The following SDK1 variants were observed in gnomAD, a reference collection of about 807,000 sequenced individuals.
SDK1 encodes the protein protein sidekick-1.
A neutral mutation model predicts 245.5 loss-of-function variants in SDK1; 157 were observed. The observed-to-expected ratio is 0.64, with a 90% CI of 0.56 to 0.73. The LOEUF (loss-of-function observed/expected upper bound fraction) is 0.73. Ranked by LOEUF, SDK1 falls within the 30% of genes least tolerant of loss-of-function variation. SDK1 has a pLI of 0.00. For synonymous variants in SDK1, 1,647 were observed against 1,278.5 expected (o/e 1.29, Z -6.15); for missense variants, 3,583 against 3,002.3 (o/e 1.19, Z -4.52).
intron 5 of SDK1, among the ~76,000 whole-genome samples, chr7:3,892,440 T>C (rs1221608421): frequency 2.0e-5 from 3 of 152,144 alleles, no homozygotes; most frequent in African/African-American, 7.2e-5. Context: ...CCCCAGGATC[T>C]CATAAAGCCT....
At chr7:3,304,266 G>A (rs1200746995) in intron 1 of SDK1, among the ~76,000 whole-genome samples, 1 of 152,124 alleles carries the variant, frequency 6.6e-6, no homozygotes, top group South Asian at 2.1e-4. Context: ...TGACTTTCCC[G>A]GATTCCTAAA....
At chr7:3,489,902 G>A (rs890702705) in intron 1 of SDK1, among the ~76,000 whole-genome samples, 2 of 152,162 alleles carry the variant, frequency 1.3e-5, no homozygotes, top group Non-Finnish European at 2.9e-5. Flanking sequence ...AATGAGTCCT[G>A]TCATGGAGAA....
rs188389961 is a variant in SDK1, at chr7:3,747,077, A to C, written c.714-74373A>C. 3.5e-3 allele frequency among the ~76,000 whole-genome samples: 533 copies of C among 152,348 alleles called. 3 individuals carry two copies. The highest frequency in any genetic ancestry group is 0.017 in the South Asian group (80 of 4,822). The stretch of plus-strand genomic sequence containing the variant: ...GAATGGATGCTGTGGCATGAAACCA[A>C]CATTCATCTCCATGAGAACTCTTGG... On this transcript the variant is annotated intron_variant, in intron 4 of 44. Coordinates refer to ENST00000404826, the MANE Select transcript of SDK1 (RefSeq NM_152744.4).
intron 1 of SDK1, among the ~76,000 whole-genome samples, chr7:3,524,735 G>C (rs908223990): frequency 6.6e-6 from 1 of 152,104 alleles, no homozygotes; most frequent in Non-Finnish European, 1.5e-5. Context: ...AAGTCTGTTA[G>C]GTAGCCAGAA....
At chr7:3,518,906 A>G (rs1376421017) in intron 1 of SDK1, among the ~76,000 whole-genome samples, 1 of 152,084 alleles carries the variant, frequency 6.6e-6, no homozygotes, top group Non-Finnish European at 1.5e-5. Context: ...ATGTCCAACA[A>G]CAGATGAATG....
chr7:4,050,498 C>G (rs1014618456), intron 18 of SDK1, among the ~76,000 whole-genome samples: 2 of 152,234 alleles, frequency 1.3e-5, no homozygotes, highest in African/African-American at 4.8e-5. Context: ...TGTGTAAATA[C>G]GCTTTGCGTC....
rs1042630014 is a variant in SDK1, at chr7:4,191,560, T to C, written c.5098+12974T>C. On this transcript the variant is annotated intron_variant, in intron 35 of 44. Transcript: ENST00000404826. The stretch of plus-strand genomic sequence containing the variant: ...CTTCAGCACCCACTTGCTCAGCAAC[T>C]TGCTGGCACCGAAGGGAGCGAGAGA... 6.6e-5 allele frequency among the ~76,000 whole-genome samples: 10 copies of C among 152,232 alleles called. 1 individual carries two copies. Among genetic ancestry groups the C allele is most frequent in the African/African-American group, 2.4e-4 (10 of 41,472 alleles).
chr7:4,173,782 G>A (rs973980677), intron 32 of SDK1, among the ~76,000 whole-genome samples: 2 of 152,180 alleles, frequency 1.3e-5, no homozygotes, highest in African/African-American at 2.4e-5. Context: ...GGTACAGTAC[G>A]GCAGCCACAG....
At chr7:3,933,107 G>A (rs1780037408) in intron 5 of SDK1, among the ~76,000 whole-genome samples, 1 of 150,934 alleles carries the variant, frequency 6.6e-6, no homozygotes, top group African/African-American at 2.5e-5. Context: ...TCCTCCGGCG[G>A]GAAATGCTCC....
intron 40 of SDK1, among the ~76,000 whole-genome samples, chr7:4,229,960 G>T (rs1021123844): frequency 6.6e-6 from 1 of 151,416 alleles, no homozygotes; most frequent in Non-Finnish European, 1.5e-5. Flanking sequence ...AGGGGTTGGG[G>T]GTGGGACAGA....
intron 4 of SDK1, among the ~76,000 whole-genome samples, chr7:3,802,951 G>T (rs186929575): frequency 6.6e-6 from 1 of 152,164 alleles, no homozygotes; most frequent in Non-Finnish European, 1.5e-5. Flanking sequence ...AGGTTTTTGC[G>T]TAGATGTAAA....
At chr7:3,508,496 T>C (rs1222164589) in intron 1 of SDK1, among the ~76,000 whole-genome samples, 5 of 151,824 alleles carry the variant, frequency 3.3e-5, no homozygotes, top group African/African-American at 9.7e-5. Context: ...CCTGACTAAT[T>C]GTTGTATTTT....
rs776135605 is a variant in SDK1, at chr7:3,509,681, T to C, written c.299-109399T>C. Among the ~76,000 whole-genome samples, 180 of 152,148 alleles carry C rather than the reference T, an allele frequency of 1.2e-3. 1 individual carries two copies. The highest frequency in any genetic ancestry group is 1.4e-3 in the Admixed American group (21 of 15,268). On this transcript the variant is annotated intron_variant, in intron 1 of 44. Transcript: ENST00000404826. ...GCTTACCTGCATCTTCACTCAACAC[T>C]TAACCTCTGTTTAATGTCACAGGGC... is the stretch of plus-strand genomic sequence containing the variant.
rs138067462 is a variant in SDK1, at chr7:3,875,275, G to C, written c.847+53692G>C. ...AAGTCATTAGTCTGCACTTCGTCCA[G>C]CATTTTTCCTGTGGTAAGAGTGAGA... is the stretch of plus-strand genomic sequence containing the variant. On this transcript the variant is annotated intron_variant, in intron 5 of 44. Coordinates refer to ENST00000404826, the MANE Select transcript of SDK1 (RefSeq NM_152744.4). Among the ~76,000 whole-genome samples the C allele has an allele frequency of 3.3e-5, 5 of 152,274 alleles. No individual in the cohort carries two copies. In the East Asian group the frequency reaches 9.7e-4, roughly 29 times the overall value.
At chr7:3,728,189 AC>A (rs1269658471) in intron 4 of SDK1, among the ~76,000 whole-genome samples, 1 of 152,202 alleles carries the variant, frequency 6.6e-6, no homozygotes, top group Non-Finnish European at 1.5e-5. Context: ...GAACTTGATC[AC>A]CGCTGAGGTA....
chr7:4,147,241 T>A (rs900386469), intron 29 of SDK1, among the ~76,000 whole-genome samples: 1 of 152,070 alleles, frequency 6.6e-6, no homozygotes, highest in Non-Finnish European at 1.5e-5. Flanking sequence ...AGTGCAGTTA[T>A]GTGATCATAG....
chr7:4,063,725 A>G (rs904972663), intron 19 of SDK1, among the ~76,000 whole-genome samples: 1 of 152,178 alleles, frequency 6.6e-6, no homozygotes, highest in African/African-American at 2.4e-5. Context: ...AATATATGAC[A>G]AGTCTATAAT....
intron 2 of SDK1, 79 bp downstream of exon 2, chr7:3,619,318 C>A: frequency 8.4e-7 from 1 of 1,191,976 alleles, no homozygotes; most frequent in Non-Finnish European, 1.2e-6. Flanking sequence ...CATAATAGCA[C>A]AATGAGTGAA....
chr7:4,062,164 A>C (rs1779585934), intron 19 of SDK1, among the ~76,000 whole-genome samples: 2 of 152,206 alleles, frequency 1.3e-5, no homozygotes, highest in Non-Finnish European at 2.9e-5. Flanking sequence ...ACAAATGGTT[A>C]AACAAAACTC....
Sources: allele counts gnomAD v4.1 joint callset (sites outside exome capture counted in the v4.1 genomes callset), GRCh38; gene constraint gnomAD v4.1.1; transcripts MANE v1.5; gene names NCBI Gene and HGNC (gene_info 2026-07-23, HGNC 2026-07-21).